SYNDIG1: variants seen among roughly 807,000 people sequenced by gnomAD.
The protein encoded by SYNDIG1 is synapse differentiation inducing 1.
SYNDIG1 carries 9 observed loss-of-function variants against 19.4 expected under a neutral mutation model. The ratio of observed to expected loss-of-function variants is 0.46; its 90% CI spans 0.28 to 0.81. The LOEUF (loss-of-function observed/expected upper bound fraction) is 0.81. Among genes scored for constraint, SYNDIG1 ranks in the 30% least tolerant of loss-of-function variants. The pLI is 0.12. For missense variants in SYNDIG1, 311 were observed against 343.3 expected (o/e 0.91, Z 0.74); for synonymous variants, 141 against 145.9 (o/e 0.97, Z 0.24).
chr20:24,578,498 A>G (rs1195946262), intron 2 of SYNDIG1, among the ~76,000 whole-genome samples: 1 of 152,036 alleles, frequency 6.6e-6, no homozygotes, highest in African/African-American at 2.4e-5. Flanking sequence ...AGAGAGTCAG[A>G]AAGTAGACAA....
At chr20:24,545,197 C>T (rs901761038) in intron 2 of SYNDIG1, among the ~76,000 whole-genome samples, 21 of 152,256 alleles carry the variant, frequency 1.4e-4, no homozygotes, top group Middle Eastern at 3.4e-3. Flanking sequence ...CAACTCCAGC[C>T]GGTGGAGCCC....
At chr20:24,632,217 A>T (rs569520210) in intron 3 of SYNDIG1, among the ~76,000 whole-genome samples, 1 of 152,258 alleles carries the variant, frequency 6.6e-6, no homozygotes, top group Non-Finnish European at 1.5e-5. Context: ...TGCTGCGTAG[A>T]TTTCACACGT....
At chr20:24,599,959 C>T (rs982246762) in intron 3 of SYNDIG1, among the ~76,000 whole-genome samples, 1 of 152,136 alleles carries the variant, frequency 6.6e-6, no homozygotes, top group East Asian at 1.9e-4. Context: ...TCTATTATAT[C>T]CAGAAGATGG....
rs559992779 is a variant in SYNDIG1, at chr20:24,643,018, A to G, written c.619-22328A>G. ...TGCACGAATGTAATTAGTTCTATAT[A>G]GAGAGTATTTCTACTTGTTTAAATA... On this transcript the variant is annotated intron_variant, in intron 3 of 3. Transcript: ENST00000376862. 1.7e-4 allele frequency among the ~76,000 whole-genome samples: 26 copies of G among 152,304 alleles called. 2 individuals are homozygous for G. The highest frequency in any genetic ancestry group is 4.1e-4 in the African/African-American group (17 of 41,556).
chr20:24,661,547 G>GGAA (rs2059601633), intron 3 of SYNDIG1, among the ~76,000 whole-genome samples: 2 of 113,918 alleles, frequency 1.8e-5, no homozygotes, highest in Non-Finnish European at 3.8e-5. Context: ...GAAGGAGGGA[G>GGAA]GGAGGAAAAA....
chr20:24,665,579 T>G lies in SYNDIG1; in HGVS notation c.*75T>G. The G allele has an allele frequency of 6.3e-7, 1 of 1,581,636 alleles. No individual in the cohort carries two copies. The highest frequency in any genetic ancestry group is 1.4e-5 in the African/African-American group (1 of 73,450). On this transcript the variant is annotated 3_prime_UTR_variant, in exon 4 of 4. Transcript: ENST00000376862. ...TGGAGGAAGCAGGCATACCGCATGA[T>G]GCTGTACAGTACAAATGATTGCCAA...
chr20:24,512,066 G>A (rs1051165157), intron 1 of SYNDIG1, among the ~76,000 whole-genome samples: 18 of 143,674 alleles, frequency 1.3e-4, no homozygotes, highest in African/African-American at 4.2e-4. Context: ...CTTTGCTACT[G>A]ATATAGGAGA....
chr20:24,591,487 G>C (rs1267304595), intron 3 of SYNDIG1, among the ~76,000 whole-genome samples: 1 of 151,990 alleles, frequency 6.6e-6, no homozygotes, highest in East Asian at 1.9e-4. Flanking sequence ...AATGGAGAGT[G>C]AGAAATGGGA....
intron 1 of SYNDIG1, among the ~76,000 whole-genome samples, chr20:24,476,893 C>T (rs1013415408): frequency 4.6e-5 from 7 of 151,964 alleles, no homozygotes; most frequent in African/African-American, 1.2e-4. Flanking sequence ...CTGCCATCTG[C>T]CATGGCCCTG....
At chr20:24,587,387 C>A (rs569808913) in intron 3 of SYNDIG1, among the ~76,000 whole-genome samples, 2 of 152,302 alleles carry the variant, frequency 1.3e-5, no homozygotes, top group Non-Finnish European at 2.9e-5. Flanking sequence ...GAACTCCCAT[C>A]CCAGGCAGCT....
At chr20:24,477,487 G>A (rs2146215159) in intron 1 of SYNDIG1, among the ~76,000 whole-genome samples, 1 of 152,248 alleles carries the variant, frequency 6.6e-6, no homozygotes, top group African/African-American at 2.4e-5. Context: ...TGCTACTTCA[G>A]CCTTGCCCCC....
At chr20:24,563,466 G>A (rs909523343) in intron 2 of SYNDIG1, among the ~76,000 whole-genome samples, 2 of 152,174 alleles carry the variant, frequency 1.3e-5, no homozygotes, top group African/African-American at 4.8e-5. Flanking sequence ...TGGAGGATGA[G>A]ACACCGGACC....
chr20:24,574,490 AAAATAAATAAATAAATAAGT>A (rs1288044394), intron 2 of SYNDIG1, among the ~76,000 whole-genome samples: 3 of 151,670 alleles, frequency 2.0e-5, no homozygotes, highest in Admixed American at 1.3e-4. Context: ...CTCTGTCTCT[AAAATAAATAAATAAATAAGT>A]AAATAAATAA....
chr20:24,545,212 A>G (rs715863), intron 2 of SYNDIG1, among the ~76,000 whole-genome samples: 85,071 of 151,902 alleles, frequency 0.56, 24,396 homozygotes, highest in Middle Eastern at 0.71. Context: ...GAGCCCGGGA[A>G]GCCCACTGGC....
intron 1 of SYNDIG1, among the ~76,000 whole-genome samples, chr20:24,486,047 G>T (rs1320566547): frequency 6.6e-6 from 1 of 152,218 alleles, no homozygotes; most frequent in Non-Finnish European, 1.5e-5. Flanking sequence ...AGGTGGGCAG[G>T]GTGAAGCACT....
At chr20:24,653,208 T>A (rs1275231057) in intron 3 of SYNDIG1, among the ~76,000 whole-genome samples, 2 of 152,124 alleles carry the variant, frequency 1.3e-5, no homozygotes, top group African/African-American at 4.8e-5. Flanking sequence ...AACAGAGATG[T>A]CAGCACGTTT....
At chr20:24,611,858 G>A (rs915573188) in intron 3 of SYNDIG1, among the ~76,000 whole-genome samples, 1 of 152,212 alleles carries the variant, frequency 6.6e-6, no homozygotes, top group African/African-American at 2.4e-5. Flanking sequence ...ACTGTCAGAT[G>A]TGATCCCTGA....
intron 3 of SYNDIG1, among the ~76,000 whole-genome samples, chr20:24,626,550 G>A (rs1372866299): frequency 4.6e-4 from 69 of 151,386 alleles, no homozygotes; most frequent in Non-Finnish European, 3.8e-4. Flanking sequence ...TCACTTCCTA[G>A]GTGGGATGGC....
At chr20:24,498,878 G>A (rs2056369362) in intron 1 of SYNDIG1, among the ~76,000 whole-genome samples, 1 of 152,168 alleles carries the variant, frequency 6.6e-6, no homozygotes, top group Non-Finnish European at 1.5e-5. Flanking sequence ...AGGGAACACG[G>A]GTGTGCGGCA....
Sources: gnomAD v4.1 joint callset for allele counts (sites outside exome capture counted in the v4.1 genomes callset) on GRCh38, gnomAD v4.1.1 for gene constraint, MANE v1.5 for transcripts, NCBI Gene and HGNC (gene_info 2026-07-23, HGNC 2026-07-21) for gene names.